RNGTT: variants seen among roughly 807,000 people sequenced by gnomAD.
RNGTT encodes the protein mRNA-capping enzyme.
Under a neutral mutation model 79.3 loss-of-function variants are expected in RNGTT, and 33 were observed. The ratio of observed to expected loss-of-function variants is 0.42; its 90% confidence interval spans 0.32 to 0.56. The LOEUF (loss-of-function observed/expected upper bound fraction) is 0.56, where lower values mean the gene tolerates loss of function less well. RNGTT is among the 20% of genes least tolerant of loss of function. RNGTT has a pLI of 0.17. For synonymous variants in RNGTT, 222 were observed against 235.9 expected (o/e 0.94, Z 0.54); for missense variants, 497 against 739.1 (o/e 0.67, Z 3.80).
Position 88,899,406 on chromosome 6 carries a change from T to C in RNGTT, c.684+5309A>G, listed in dbSNP as rs962929932. On this transcript the variant is annotated intron_variant, in intron 6 of 15. Coordinates refer to ENST00000369485, the MANE Select transcript of RNGTT (RefSeq NM_003800.5). ...ATCCACCCCACCTCAGCCTCATAAG[T>C]AGCTGAGACTACAAGTGCACACCAC... is the stretch of plus-strand genomic sequence containing the variant. Among the ~76,000 whole-genome samples the C allele has an allele frequency of 3.9e-5, 6 of 152,142 alleles. No homozygotes were observed. The East Asian group carries it at 1.2e-3, about 29-fold the overall frequency.
chr6:88,952,304 C>T (rs967191457), intron 1 of RNGTT, among the ~76,000 whole-genome samples: 2 of 152,168 alleles, frequency 1.3e-5, no homozygotes, highest in African/African-American at 4.8e-5. Flanking sequence ...TCCACCTAAT[C>T]CTTCCCCTAC....
intron 2 of RNGTT, among the ~76,000 whole-genome samples, chr6:88,932,521 G>A (rs1169279996): frequency 6.6e-6 from 1 of 152,104 alleles, no homozygotes; most frequent in Non-Finnish European, 1.5e-5. Flanking sequence ...GGCTCAGGGG[G>A]CATCACGGAA....
chr6:88,911,032 A>G (rs1368500255), intron 4 of RNGTT, among the ~76,000 whole-genome samples: 1 of 152,200 alleles, frequency 6.6e-6, no homozygotes, highest in Admixed American at 6.5e-5. Context: ...ACAAAAATAC[A>G]CGTAAGTACA....
In RNGTT at chr6:88,836,896, A is replaced by G. The variant is rs535861234; in HGVS notation, c.1269+7461T>C. Reference sequence around the variant, plus strand: ...TGGCTAAGATCAAGTGCAAAAAAATACCCCCCAAAAAAAAGAAAGAAGAAA... The same window carrying G: ...TGGCTAAGATCAAGTGCAAAAAAATGCCCCCCAAAAAAAAGAAAGAAGAAA... On this transcript the variant is annotated intron_variant, in intron 11 of 15. Transcript: ENST00000369485. Among the ~76,000 whole-genome samples, 15 of 152,204 alleles carry G rather than the reference A, an allele frequency of 9.9e-5. No individual in the cohort carries two copies. The South Asian group carries it at 2.3e-3, about 23-fold the overall frequency.
intron 14 of RNGTT, among the ~76,000 whole-genome samples, chr6:88,624,555 C>A (rs983004748): frequency 6.6e-6 from 1 of 151,900 alleles, no homozygotes; most frequent in African/African-American, 2.4e-5. Context: ...CAATCTACAT[C>A]ATTCACATTA....
At position 88,905,044 on chromosome 6, in the gene RNGTT, T is replaced by C. The variant is rs570680523; in HGVS notation, c.444-89A>G. Reference sequence around the variant, plus strand: ...CTCACTTATTATATTCAAGGCTCCATATAAAGTACAACAGAAGTTTATAAA... The same window carrying C: ...CTCACTTATTATATTCAAGGCTCCACATAAAGTACAACAGAAGTTTATAAA... On this transcript the variant is annotated intron_variant, in intron 5 of 15. Transcript: ENST00000369485. 49 of 1,492,636 alleles carry C rather than the reference T, an allele frequency of 3.3e-5. No individual in the cohort carries two copies. In the African/African-American group the frequency reaches 6.3e-4, roughly 19 times the overall value. The allele number at this position is 1,492,636 out of a possible 1,614,324, so 92.5% of individuals were successfully genotyped here. A position where few individuals can be genotyped will look rare whatever the true frequency, so the allele number is the denominator to read the frequency against.
chr6:88,836,446 A>T (rs928323788), intron 11 of RNGTT, among the ~76,000 whole-genome samples: 2 of 152,104 alleles, frequency 1.3e-5, no homozygotes, highest in South Asian at 4.2e-4. Flanking sequence ...ATGACAAATA[A>T]ATTATCAGAT....
intron 10 of RNGTT, among the ~76,000 whole-genome samples, chr6:88,848,356 C>T (rs1242460217): frequency 6.6e-6 from 1 of 151,782 alleles, no homozygotes. Context: ...AATTACATTC[C>T]AAGAATGAGA....
rs1410008190 is a variant in RNGTT at position 88,611,675 on chromosome 6, T to C, written c.*1044A>G. On this transcript the variant is annotated 3_prime_UTR_variant, in exon 16 of 16. Coordinates refer to ENST00000369485, the MANE Select transcript of RNGTT (RefSeq NM_003800.5). Reference sequence around the variant, plus strand: ...CCTTGATATTTAGTTCCTACAGATGTCTACACTTTGCCTCTGCATTTATCT... The same window carrying C: ...CCTTGATATTTAGTTCCTACAGATGCCTACACTTTGCCTCTGCATTTATCT... 1.3e-5 allele frequency: 2 copies of C among 152,592 alleles called. No individual in the cohort carries two copies. The highest frequency in any genetic ancestry group is 6.5e-5 in the Admixed American group (1 of 15,288). The allele number at this position is 152,592 out of a possible 1,614,324, so 9.5% of individuals were successfully genotyped here. A position where few individuals can be genotyped will look rare whatever the true frequency, so the allele number is the denominator to read the frequency against.
intron 12 of RNGTT, among the ~76,000 whole-genome samples, chr6:88,795,416 C>T (rs1474008242): frequency 6.6e-6 from 1 of 152,026 alleles, no homozygotes; most frequent in African/African-American, 2.4e-5. Flanking sequence ...TTTAATAACT[C>T]GAAGCACATA....
At chr6:88,647,715 A>AAAAAAAAAAG (rs531898293) in intron 14 of RNGTT, among the ~76,000 whole-genome samples, 2 of 142,504 alleles carry the variant, frequency 1.4e-5, no homozygotes, top group African/African-American at 6.0e-5. Context: ...AAAAAAAAAA[A>AAAAAAAAAAG]AAGAAGAAGA....
chr6:88,636,659 G>C (rs965920478), intron 14 of RNGTT, among the ~76,000 whole-genome samples: 2 of 150,036 alleles, frequency 1.3e-5, no homozygotes, highest in African/African-American at 4.9e-5. Flanking sequence ...AAAGGATCCT[G>C]GACATGATTT....
intron 14 of RNGTT, among the ~76,000 whole-genome samples, chr6:88,620,314 C>A (rs1772396531): frequency 6.6e-6 from 1 of 152,160 alleles, no homozygotes; most frequent in South Asian, 2.1e-4. Context: ...AGACAAGTCA[C>A]AACTAAAGGG....
At chr6:88,769,993 T>C in intron 12 of RNGTT, 119 bp from the exon 13 acceptor site, 5 of 644,660 alleles carry the variant, frequency 7.8e-6, no homozygotes, top group Non-Finnish European at 1.3e-5. Context: ...AACATAATTT[T>C]AATCTTCAAC....
At position 88,912,857 on chromosome 6, in the gene RNGTT, A is replaced by G. The variant is rs142808034; in HGVS notation, c.368-6417T>C. ...AAGAAGGAAGAAACTGAAACCCTGG[A>G]CAAGCTAATAATGAACTCTGAAATT... On this transcript the variant is annotated intron_variant, in intron 4 of 15. Coordinates refer to ENST00000369485, the MANE Select transcript of RNGTT (RefSeq NM_003800.5). 1.9e-3 allele frequency among the ~76,000 whole-genome samples: 282 copies of G among 152,286 alleles called. 1 individual carries two copies. The highest frequency in any genetic ancestry group is 6.8e-3 in the Middle Eastern group (2 of 294).
chr6:88,855,851 T>A (rs1370301743), intron 8 of RNGTT, among the ~76,000 whole-genome samples: 2 of 152,184 alleles, frequency 1.3e-5, no homozygotes, highest in Admixed American at 1.3e-4. Flanking sequence ...ATAGAGAGAA[T>A]CTAAGCTACT....
At chr6:88,655,859 A>G (rs1194688592) in intron 14 of RNGTT, among the ~76,000 whole-genome samples, 1 of 152,158 alleles carries the variant, frequency 6.6e-6, no homozygotes. Context: ...ATTAAATGTG[A>G]TCTTGAGAGG....
intron 14 of RNGTT, among the ~76,000 whole-genome samples, chr6:88,660,555 A>AAAAAAAAAAAAAAAAAAAAAAG (rs937133942): frequency 5.5e-4 from 83 of 151,716 alleles, no homozygotes; most frequent in African/African-American, 2.0e-3. Flanking sequence ...ATGGTAAAAA[A>AAAAAAAAAAAAAAAAAAAAAAG]AAAGAAAGAA....
intron 13 of RNGTT, among the ~76,000 whole-genome samples, chr6:88,694,728 G>A (rs1334686778): frequency 6.6e-6 from 1 of 152,098 alleles, no homozygotes; most frequent in Non-Finnish European, 1.5e-5. Context: ...AAACAGCATG[G>A]TACTGCCATA....
Sources: gnomAD v4.1 joint callset for allele counts (sites outside exome capture counted in the v4.1 genomes callset) on GRCh38, gnomAD v4.1.1 for gene constraint, MANE v1.5 for transcripts, NCBI Gene and HGNC (gene_info 2026-07-23, HGNC 2026-07-21) for gene names.